Variants in DNAH9 observed in about 807,000 individuals in gnomAD.
DNAH9 encodes dynein axonemal heavy chain 9, also known as DNAH9 variant protein.
A neutral mutation model predicts 471.6 loss-of-function variants in DNAH9; 345 were observed. The observed-to-expected ratio is 0.73, with a 90% CI of 0.67 to 0.80. The LOEUF is 0.80. Among genes scored for constraint, DNAH9 ranks in the 30% least tolerant of loss-of-function variants. The probability of loss-of-function intolerance (pLI) is 0.00; values close to 1 mark genes in which losing one functional copy is unlikely to be tolerated. For missense variants in DNAH9, 5,407 were observed against 5,609.2 expected, an observed-to-expected ratio of 0.96 and a Z score of 1.15; for synonymous variants, 2,093 against 2,123.6, an observed-to-expected ratio of 0.99 and a Z score of 0.40.
intron 50 of DNAH9, among the ~76,000 whole-genome samples, chr17:11,858,419 G>A (rs368203747): frequency 1.1e-4 from 16 of 152,112 alleles, no homozygotes; most frequent in Admixed American, 5.2e-4. Flanking sequence ...GTACTTTTAC[G>A]TAAAAATCTT....
chr17:11,629,166 T>C (rs138458702), intron 6 of DNAH9, among the ~76,000 whole-genome samples: 2,521 of 152,086 alleles, frequency 0.017, 82 homozygotes, highest in African/African-American at 0.058. Flanking sequence ...GTTACATATG[T>C]ATACATGTGC....
Position 11,669,579 on chromosome 17 carries a change from T to C in DNAH9, c.3138T>C (p.Asp1046=), listed in dbSNP as rs768284561. ...TPEEIEDHVE[D]GIPENPPLLS... The stretch of plus-strand genomic sequence containing the variant: ...AAGAAATTGAAGACCATGTGGAAGA[T>C]GGCATCCCAGAGAACCCTCCCCTCC... The change falls in exon 17 of 69, where the codon GAT becomes GAC. Residue 1046 remains aspartate (D), a synonymous_variant. Coordinates refer to ENST00000262442, the MANE Select transcript of DNAH9 (RefSeq NM_001372.4). 6.2e-6 allele frequency: 10 copies of C among 1,614,132 alleles called. No homozygotes were observed. The South Asian group carries it at 1.1e-4, about 18-fold the overall frequency.
Position 11,699,827 on chromosome 17 carries a change from T to C in DNAH9, c.4969T>C (p.Tyr1657His), listed in dbSNP as rs752972438. Residue 1657 changes from tyrosine to histidine, a missense_variant, in exon 23 of 69, where the codon TAC becomes CAC. Tyr to His is a moderately conservative substitution (Grantham distance 83, BLOSUM62 2). Transcript: ENST00000262442. ...GEPTKTSLGM[Y>H]SKEEEYVAFS... ...ACCAACCAAGACAAGCCTCGGCATG[T>C]ACAGCAAAGAAGAGGAGTATGTGGC... 11 of 1,614,186 alleles carry C rather than the reference T, an allele frequency of 6.8e-6. No homozygotes were observed. Among genetic ancestry groups the C allele is most frequent in the Non-Finnish European group, 8.5e-6 (10 of 1,180,012 alleles).
In DNAH9 at chr17:11,608,826, A is replaced by G. The variant is rs185116903; in HGVS notation, c.614+501A>G. Among the ~76,000 whole-genome samples the G allele has an allele frequency of 2.0e-3, 308 of 152,146 alleles. 2 individuals carry two copies. The highest frequency in any genetic ancestry group is 7.0e-3 in the African/African-American group (291 of 41,498). ...TTTTTCTCTTTTCAAATAGTAGCAA[A>G]TCTGGCTTTGTTGGGACCTGGCTTT... On this transcript the variant is annotated intron_variant, in intron 2 of 68. Transcript: ENST00000262442.
At chr17:11,768,717 C>T (rs1968073956) in intron 37 of DNAH9, 91 bp downstream of exon 37, 7 of 1,471,872 alleles carry the variant, frequency 4.8e-6, no homozygotes, top group Non-Finnish European at 6.5e-6. Context: ...GCTATCTGAG[C>T]ATTTGTCCTT....
At chr17:11,748,435 T>C (rs1225104628) in intron 32 of DNAH9, among the ~76,000 whole-genome samples, 2 of 152,054 alleles carry the variant, frequency 1.3e-5, no homozygotes, top group Non-Finnish European at 2.9e-5. Flanking sequence ...AGACTTCAAG[T>C]ATGTGTTGGG....
At chr17:11,960,207 G>A (rs1180122681) in intron 67 of DNAH9, among the ~76,000 whole-genome samples, 7 of 152,106 alleles carry the variant, frequency 4.6e-5, no homozygotes, top group East Asian at 3.9e-4. Flanking sequence ...AGGCCAAGGC[G>A]GGTGGATCAC....
At chr17:11,675,915 T>A (rs2074041893) in intron 17 of DNAH9, among the ~76,000 whole-genome samples, 1 of 152,128 alleles carries the variant, frequency 6.6e-6, no homozygotes, top group South Asian at 2.1e-4. Context: ...TGTATCTGGT[T>A]TTTGGTTTTG....
At chr17:11,897,501 G>C (rs776199913) in intron 59 of DNAH9, among the ~76,000 whole-genome samples, 1 of 152,236 alleles carries the variant, frequency 6.6e-6, no homozygotes, top group African/African-American at 2.4e-5. Flanking sequence ...TCATAGGACA[G>C]TATGGTCCAG....
At position 11,892,943 on chromosome 17, in the gene DNAH9, A is replaced by G. The variant is rs528858886; in HGVS notation, c.11283+996A>G. ...TTGGGAGCACAGACTAATTATCTCG[A>G]AGGCCCTTTCCTTGAATCTTCTGAT... On this transcript the variant is annotated intron_variant, in intron 58 of 68. Coordinates refer to ENST00000262442, the MANE Select transcript of DNAH9 (RefSeq NM_001372.4). This position sits in a 1 kb window ranked among gnomAD's most constrained non-coding sequence, Gnocchi z 4.3. 3.0e-4 allele frequency among the ~76,000 whole-genome samples: 46 copies of G among 152,156 alleles called. No individual in the cohort carries two copies. The highest frequency in any genetic ancestry group is 6.5e-4 in the Admixed American group (10 of 15,280).
At chr17:11,890,337 T>C (rs1672547664) in intron 57 of DNAH9, among the ~76,000 whole-genome samples, 1 of 152,136 alleles carries the variant, frequency 6.6e-6, no homozygotes, top group Non-Finnish European at 1.5e-5. Context: ...TTACAATGGA[T>C]TGGGTTGAAC....
chr17:11,706,639 G>A (rs926815464), intron 26 of DNAH9, among the ~76,000 whole-genome samples: 17 of 152,162 alleles, frequency 1.1e-4, no homozygotes, highest in South Asian at 2.1e-4. Context: ...GACCTGGAGC[G>A]TGAAGGATGT....
At chr17:11,660,670 T>G (rs2073745506) in intron 14 of DNAH9, among the ~76,000 whole-genome samples, 1 of 152,226 alleles carries the variant, frequency 6.6e-6, no homozygotes, top group East Asian at 1.9e-4. Flanking sequence ...GTTTGTTGTT[T>G]AATTTCCATA....
intron 36 of DNAH9, among the ~76,000 whole-genome samples, chr17:11,766,129 C>T (rs1237429820): frequency 1.3e-5 from 2 of 152,154 alleles, no homozygotes; most frequent in South Asian, 2.1e-4. Context: ...ATCCCAGACC[C>T]CTACACTGCC....
chr17:11,716,398 GT>G (rs551330199), intron 26 of DNAH9, among the ~76,000 whole-genome samples: 26 of 151,340 alleles, frequency 1.7e-4, no homozygotes, highest in Non-Finnish European at 2.9e-4. Context: ...TCTTTTTTGC[GT>G]TTTTTTTCAT....
At chr17:11,612,252 C>T (rs1158869351) in intron 4 of DNAH9, 2 of 247,216 alleles carry the variant, frequency 8.1e-6, no homozygotes, top group Non-Finnish European at 1.6e-5. Context: ...TCAAGGACTA[C>T]CCTTCTGGCA....
chr17:11,965,391 A>G (rs1415896188), intron 68 of DNAH9, among the ~76,000 whole-genome samples: 1 of 152,226 alleles, frequency 6.6e-6, no homozygotes, highest in Non-Finnish European at 1.5e-5. Flanking sequence ...GGTGACCTCT[A>G]AGCTAACAGA....
At chr17:11,689,276 C>T (rs2074292312) in intron 19 of DNAH9, among the ~76,000 whole-genome samples, 1 of 151,788 alleles carries the variant, frequency 6.6e-6, no homozygotes, top group Admixed American at 6.6e-5. Flanking sequence ...GGGGTATTCC[C>T]TTCTAGACCT....
intron 43 of DNAH9, among the ~76,000 whole-genome samples, chr17:11,805,220 T>A (rs1438966553): frequency 1.3e-5 from 2 of 152,042 alleles, no homozygotes; most frequent in Non-Finnish European, 2.9e-5. Flanking sequence ...GAACAGGTCA[T>A]CAGTACATGC....
Sources: allele counts gnomAD v4.1 joint callset (sites outside exome capture counted in the v4.1 genomes callset), GRCh38; gene constraint gnomAD v4.1.1; non-coding constraint Gnocchi (gnomAD v3.1); transcripts MANE v1.5; gene names NCBI Gene and HGNC (gene_info 2026-07-23, HGNC 2026-07-21).